SNX11: variants seen among roughly 807,000 people sequenced by gnomAD.
SNX11 encodes sorting nexin 11, also known as sorting nexin-11.
SNX11 carries 19 observed loss-of-function variants against 30.7 expected under a neutral mutation model. The observed-to-expected ratio is 0.62, with a 90% confidence interval of 0.43 to 0.91. The LOEUF (loss-of-function observed/expected upper bound fraction) is 0.91. Among genes scored for constraint, SNX11 ranks in the 40% least tolerant of loss-of-function variants. The pLI, the probability that SNX11 is intolerant of heterozygous loss-of-function variation, is 0.00. For missense variants in SNX11, 302 were observed against 326.7 expected, an observed-to-expected ratio of 0.92 and a Z score of 0.58; for synonymous variants, 112 against 119.0, an observed-to-expected ratio of 0.94 and a Z score of 0.38.
intron 1 of SNX11, among the ~76,000 whole-genome samples, chr17:48,108,178 CTG>C (rs1354996951): frequency 6.6e-6 from 1 of 152,154 alleles, no homozygotes; most frequent in South Asian, 2.1e-4. Context: ...ATGGCTAAGA[CTG>C]GGGGCAATGG....
chr17:48,114,834 T>C (rs1209739018), intron 4 of SNX11, among the ~76,000 whole-genome samples: 1 of 151,508 alleles, frequency 6.6e-6, no homozygotes, highest in African/African-American at 2.4e-5. Flanking sequence ...CCTGGCTGAC[T>C]ATTTTGTATT....
chr17:48,119,009 A>G lies in SNX11; in HGVS notation c.362A>G (p.Gln121Arg). 2 of 1,613,704 alleles carry G rather than the reference A, an allele frequency of 1.2e-6. No homozygotes were observed. The highest frequency in any genetic ancestry group is 1.7e-6 in the Non-Finnish European group (2 of 1,179,938). ...AGTGTGGTTCTCCTGTCAGACAGCCAGTTGCACCTATTCCTGCAAAGCCAG... is the reference window on the plus strand; with the variant it reads ...AGTGTGGTTCTCCTGTCAGACAGCCGGTTGCACCTATTCCTGCAAAGCCAG... Reference protein sequence around the residue: ...LQSVVLLSDSQLHLFLQSQLS... With the variant: ...LQSVVLLSDSRLHLFLQSQLS... Residue 121 changes from glutamine (Q) to arginine (R), a missense_variant, in exon 6 of 7, where the codon CAG becomes CGG. Physicochemically the swap from Gln to Arg is conservative, Grantham distance 43. Coordinates refer to ENST00000359238, the MANE Select transcript of SNX11 (RefSeq NM_013323.3).
At chr17:48,120,155 G>A (rs1001712304) in intron 6 of SNX11, among the ~76,000 whole-genome samples, 3 of 146,794 alleles carry the variant, frequency 2.0e-5, no homozygotes, top group African/African-American at 7.6e-5. Context: ...CCATTTATAT[G>A]GTGCTATATA....
In SNX11 at chr17:48,118,915, G is replaced by A. The variant is rs555163073; in HGVS notation, c.327-59G>A. On this transcript the variant is annotated intron_variant, in intron 5 of 6. Coordinates refer to ENST00000359238, the MANE Select transcript of SNX11 (RefSeq NM_013323.3). ...AGCCAGAAGTTCTTAAGAGGATGGG[G>A]AATGGAGAGCAGTTCCTCAGGGTGA... is the stretch of plus-strand genomic sequence containing the variant. The A allele has an allele frequency of 1.1e-5, 17 of 1,576,866 alleles. No individual in the cohort carries two copies. The East Asian group carries it at 1.3e-4, about 12-fold the overall frequency.
intron 2 of SNX11, 90 bp from the exon 3 acceptor site, chr17:48,112,484 G>T: frequency 1.3e-6 from 1 of 783,614 alleles, no homozygotes. Context: ...GTGAATGAAA[G>T]TTGGTGTTGG....
At chr17:48,112,284 T>C in intron 2 of SNX11, 199 bp downstream of exon 2, 1 of 664,276 alleles carries the variant, frequency 1.5e-6, no homozygotes. Flanking sequence ...TCTGACTAAA[T>C]TTTCCTTTGA....
intron 6 of SNX11, 56 bp downstream of exon 6, chr17:48,119,242 G>A: frequency 7.6e-7 from 1 of 1,322,962 alleles, no homozygotes; most frequent in Admixed American, 1.7e-5. Context: ...ACCTGGACCA[G>A]AGAGGTGTCC....
rs781722907 is a variant in SNX11 at position 48,113,409 on chromosome 17, T to G, written c.230+8T>G. 6.2e-7 allele frequency: 1 copy of G among 1,607,248 alleles called. No individual in the cohort carries two copies. ...GAGAAATGCTGGTTTGGTGTGAGTTTGCTCTTGCTTCCTTCTTGGGTCTGT... is the reference window on the plus strand; with the variant it reads ...GAGAAATGCTGGTTTGGTGTGAGTTGGCTCTTGCTTCCTTCTTGGGTCTGT... On this transcript the variant is annotated splice_region_variant and intron_variant, in intron 4 of 6. Coordinates refer to ENST00000359238, the MANE Select transcript of SNX11 (RefSeq NM_013323.3).
intron 4 of SNX11, among the ~76,000 whole-genome samples, chr17:48,114,169 T>G (rs1177647119): frequency 8.5e-5 from 1 of 11,834 alleles, no homozygotes; most frequent in East Asian, 0.024. Flanking sequence ...AAATATGTTC[T>G]TTTTTTTTTT....
At chr17:48,113,760 G>A (rs942228846) in intron 4 of SNX11, among the ~76,000 whole-genome samples, 1 of 151,924 alleles carries the variant, frequency 6.6e-6, no homozygotes, top group Non-Finnish European at 1.5e-5. Context: ...TGTTACTAGG[G>A]TGGTCTTGAA....
chr17:48,109,292 A>C (rs2063467173), intron 1 of SNX11, among the ~76,000 whole-genome samples: 1 of 130,780 alleles, frequency 7.6e-6, no homozygotes, highest in South Asian at 2.4e-4. Context: ...ACGGAGTCTC[A>C]CTCTGTTGCC....
rs1598328025 is a variant in SNX11, at chr17:48,109,650, T to C, written c.-14+1812T>C. Among the ~76,000 whole-genome samples, 6 of 151,828 alleles carry C rather than the reference T, an allele frequency of 4.0e-5. No individual in the cohort carries two copies. In the South Asian group the frequency reaches 1.0e-3, roughly 26 times the overall value. On this transcript the variant is annotated intron_variant, in intron 1 of 6. Coordinates refer to ENST00000359238, the MANE Select transcript of SNX11 (RefSeq NM_013323.3). ...TGGAGTGCAGTGGCGCGATCTCGGC[T>C]CACTGCAACCTCCGCCTCCCGGGTT...
At chr17:48,117,721 G>T (rs1171387206) in intron 4 of SNX11, among the ~76,000 whole-genome samples, 1 of 152,134 alleles carries the variant, frequency 6.6e-6, no homozygotes, top group Non-Finnish European at 1.5e-5. Flanking sequence ...AACATAGTGT[G>T]GCTCGGCTTG....
At chr17:48,112,882 C>T (rs1167560065) in intron 3 of SNX11, 2 of 334,128 alleles carry the variant, frequency 6.0e-6, no homozygotes, top group East Asian at 5.5e-5. Context: ...AGGCATGTGC[C>T]ACCACGCCCA....
chr17:48,120,537 T>C (rs1270208170), intron 6 of SNX11, among the ~76,000 whole-genome samples: 1 of 95,142 alleles, frequency 1.1e-5, no homozygotes, highest in Non-Finnish European at 1.9e-5. Flanking sequence ...TGAGATGGAG[T>C]CTTGCTCTGT....
In SNX11 at chr17:48,119,181, T is replaced by C; in HGVS notation, c.534T>C (p.Pro178=). The part of the protein sequence containing the change: ...SSSHLAKGDQ[P]KSCCFLPRSG... ...CTCACCTGGCTAAAGGAGACCAGCCTAAGAGGTAACTGGAGTACTCTTTGA... is the reference window on the plus strand; with the variant it reads ...CTCACCTGGCTAAAGGAGACCAGCCCAAGAGGTAACTGGAGTACTCTTTGA... The change falls in exon 6 of 7, where the codon CCT becomes CCC. Residue 178 remains proline, a synonymous_variant. Transcript: ENST00000359238. 6.2e-7 allele frequency: 1 copy of C among 1,612,870 alleles called. No individual in the cohort carries two copies.
chr17:48,113,191 C>A, intron 3 of SNX11, 110 bp from the exon 4 acceptor site: 2 of 890,572 alleles, frequency 2.2e-6, no homozygotes, highest in Admixed American at 1.8e-5. Flanking sequence ...CTGATCAGGT[C>A]TGTGGCCTGA....
At chr17:48,111,158 G>C (rs191556669) in intron 1 of SNX11, 15 of 984,692 alleles carry the variant, frequency 1.5e-5, no homozygotes, top group Non-Finnish European at 1.8e-5. Flanking sequence ...GGGTTCCAGA[G>C]TATGGATTGG....
intron 1 of SNX11, among the ~76,000 whole-genome samples, chr17:48,110,229 T>C (rs556082857): frequency 6.6e-6 from 1 of 152,336 alleles, no homozygotes; most frequent in South Asian, 2.1e-4. Context: ...TGGGTTGTTA[T>C]GGAATTGGAA....
Sources: gnomAD v4.1 joint callset for allele counts (sites outside exome capture counted in the v4.1 genomes callset) on GRCh38, gnomAD v4.1.1 for gene constraint, MANE v1.5 for transcripts, NCBI Gene and HGNC (gene_info 2026-07-23, HGNC 2026-07-21) for gene names.